NEK6: variants seen among roughly 807,000 people sequenced by gnomAD.
The protein encoded by NEK6 is serine/threonine-protein kinase Nek6.
A neutral mutation model predicts 43.5 loss-of-function variants in NEK6; 27 were observed. The observed-to-expected ratio is 0.62, with a 90% CI of 0.46 to 0.86. The LOEUF (loss-of-function observed/expected upper bound fraction) is 0.86. NEK6 is among the 40% of genes least tolerant of loss of function. The pLI, the probability that NEK6 is intolerant of heterozygous loss-of-function variation, is 0.00. For synonymous variants in NEK6, 167 were observed against 164.1 expected, an observed-to-expected ratio of 1.02 and a Z score of -0.14; for missense variants, 318 against 414.4, an observed-to-expected ratio of 0.77 and a Z score of 2.02.
intron 8 of NEK6, among the ~76,000 whole-genome samples, chr9:124,340,086 C>G (rs967676168): frequency 2.0e-5 from 3 of 152,178 alleles, no homozygotes; most frequent in African/African-American, 7.2e-5. Context: ...AATCACTCTC[C>G]ACTGACAGGT....
chr9:124,274,990 T>C lies in NEK6; in HGVS notation c.-30+16905T>C, dbSNP rs1831595642. Among the ~76,000 whole-genome samples, 4 of 152,288 alleles carry C rather than the reference T, an allele frequency of 2.6e-5. No individual in the cohort carries two copies. In the South Asian group the frequency reaches 8.3e-4, roughly 32 times the overall value. On this transcript the variant is annotated intron_variant, in intron 1 of 9. Coordinates refer to ENST00000320246, the MANE Select transcript of NEK6 (RefSeq NM_014397.6). ...GGATGTGAAAAGGACCGACCTAACT[T>C]AGTACAATTCTTAACCTGAGCAGGG...
chr9:124,257,962 CG>C lies in NEK6; in HGVS notation c.-151del. ...GGGCCCGCGCAGGCGGTGGCGGCGG[CG>C]GCGGAACCGAGCTGACGGGCGTGCG... On this transcript the variant is annotated 5_prime_UTR_variant, in exon 1 of 10. Coordinates refer to ENST00000320246, the MANE Select transcript of NEK6 (RefSeq NM_014397.6). The C allele has an allele frequency of 2.0e-6, 2 of 978,420 alleles. No individual in the cohort carries two copies. The highest frequency in any genetic ancestry group is 2.4e-6 in the Non-Finnish European group (2 of 827,288). 60.6% of individuals were successfully genotyped at this position (978,420 alleles called of 1,614,324 possible).
intron 2 of NEK6, among the ~76,000 whole-genome samples, chr9:124,306,833 A>G (rs1258658769): frequency 6.6e-6 from 1 of 152,234 alleles, no homozygotes; most frequent in Non-Finnish European, 1.5e-5. Context: ...CTATATACAC[A>G]TCTACCAAAT....
At chr9:124,319,187 G>C (rs1047327891) in intron 4 of NEK6, among the ~76,000 whole-genome samples, 47 of 151,664 alleles carry the variant, frequency 3.1e-4, no homozygotes, top group African/African-American at 1.0e-3. Context: ...GTTTTGCCAT[G>C]TTGGCCAGGC....
chr9:124,279,436 G>A (rs1198847955), intron 1 of NEK6, among the ~76,000 whole-genome samples: 2 of 151,992 alleles, frequency 1.3e-5, no homozygotes, highest in Non-Finnish European at 2.9e-5. Context: ...CGAGTAGCTG[G>A]GACTGCAGGC....
intron 1 of NEK6, among the ~76,000 whole-genome samples, chr9:124,291,443 A>T (rs1455050295): frequency 6.6e-6 from 1 of 152,200 alleles, no homozygotes; most frequent in Non-Finnish European, 1.5e-5. Flanking sequence ...CCTGACCAAC[A>T]TGGAGAAACC....
At chr9:124,263,917 T>C (rs1490078503) in intron 1 of NEK6, among the ~76,000 whole-genome samples, 1 of 152,244 alleles carries the variant, frequency 6.6e-6, no homozygotes, top group East Asian at 1.9e-4. Flanking sequence ...TTGGAGGGTC[T>C]CTGAAGGCCC....
chr9:124,301,801 C>A, intron 1 of NEK6, 135 bp from the exon 2 acceptor site: 1 of 712,146 alleles, frequency 1.4e-6, no homozygotes, highest in Non-Finnish European at 2.5e-6. Context: ...CACTTCGGAG[C>A]TGGGTGACCG....
upstream of NEK6, chr9:124,257,717 G>A (rs543275636): frequency 1.3e-6 from 2 of 1,533,302 alleles, no homozygotes; most frequent in Admixed American, 2.0e-5. Context: ...GCCGGCCTGC[G>A]CCCTGTGAGT....
Position 124,333,703 on chromosome 9 carries a change from T to G in NEK6, c.623-5868T>G, listed in dbSNP as rs573714072. On this transcript the variant is annotated intron_variant, in intron 7 of 9. Coordinates refer to ENST00000320246, the MANE Select transcript of NEK6 (RefSeq NM_014397.6). Reference sequence around the variant, plus strand: ...GAGATTGTGGCCCCCAGGTCTGGAGTTGGACTGGAGATCCAGATTTCTAAC... The same window carrying G: ...GAGATTGTGGCCCCCAGGTCTGGAGGTGGACTGGAGATCCAGATTTCTAAC... 2.9e-4 allele frequency among the ~76,000 whole-genome samples: 44 copies of G among 151,902 alleles called. 4 individuals are homozygous for G. The highest frequency in any genetic ancestry group is 2.7e-3 in the South Asian group (13 of 4,802).
At chr9:124,348,690 CTCAG>C (rs1399614868) in intron 9 of NEK6, among the ~76,000 whole-genome samples, 1 of 152,242 alleles carries the variant, frequency 6.6e-6, no homozygotes, top group East Asian at 1.9e-4. Context: ...TGGGGCCTGG[CTCAG>C]TCAGTGTTCA....
intron 1 of NEK6, among the ~76,000 whole-genome samples, chr9:124,279,370 C>T (rs1831794916): frequency 6.7e-6 from 1 of 149,462 alleles, no homozygotes; most frequent in African/African-American, 2.5e-5. Flanking sequence ...GGCACGATCT[C>T]GGCTCACTGC....
chr9:124,281,117 G>A (rs1184679688), intron 1 of NEK6, among the ~76,000 whole-genome samples: 1 of 152,206 alleles, frequency 6.6e-6, no homozygotes, highest in Non-Finnish European at 1.5e-5. Flanking sequence ...TTTCGCTTGT[G>A]TTTTCTTTTC....
At chr9:124,283,583 C>G (rs1832021056) in intron 1 of NEK6, among the ~76,000 whole-genome samples, 1 of 152,236 alleles carries the variant, frequency 6.6e-6, no homozygotes. Flanking sequence ...CCAGCCCTGG[C>G]TCTGCACCCC....
intron 7 of NEK6, among the ~76,000 whole-genome samples, chr9:124,337,726 G>C (rs981178618): frequency 6.6e-6 from 1 of 152,188 alleles, no homozygotes; most frequent in African/African-American, 2.4e-5. Context: ...TGTGTCTTTT[G>C]ATGGATGGAA....
chr9:124,327,937 G>A (rs1026007933), intron 7 of NEK6, among the ~76,000 whole-genome samples: 1 of 152,208 alleles, frequency 6.6e-6, no homozygotes, highest in African/African-American at 2.4e-5. Context: ...GGACAGGGAA[G>A]GGGAGGGAGC....
chr9:124,295,142 G>A (rs1588472125), intron 1 of NEK6, among the ~76,000 whole-genome samples: 1 of 152,244 alleles, frequency 6.6e-6, no homozygotes, highest in Admixed American at 6.5e-5. Flanking sequence ...CTGTCTGCAT[G>A]GCCACCTTCC....
intron 1 of NEK6, among the ~76,000 whole-genome samples, chr9:124,297,916 C>T (rs1383691991): frequency 6.6e-6 from 1 of 152,190 alleles, no homozygotes; most frequent in Non-Finnish European, 1.5e-5. Flanking sequence ...CAGGAATTTC[C>T]AGAGCACAGG....
chr9:124,266,841 G>A (rs910369936), intron 1 of NEK6, among the ~76,000 whole-genome samples: 2 of 152,248 alleles, frequency 1.3e-5, no homozygotes, highest in East Asian at 3.9e-4. Context: ...GTGCAGGGCT[G>A]TATTGAGCTG....
Sources: gnomAD v4.1 joint callset for allele counts (sites outside exome capture counted in the v4.1 genomes callset) on GRCh38, gnomAD v4.1.1 for gene constraint, MANE v1.5 for transcripts, NCBI Gene and HGNC (gene_info 2026-07-23, HGNC 2026-07-21) for gene names.